The following CPPED1 variants were observed in gnomAD, a reference collection of about 807,000 sequenced individuals.
CPPED1 encodes serine/threonine-protein phosphatase CPPED1.
CPPED1 carries 28 observed loss-of-function variants against 28.0 expected under a neutral mutation model. That is an observed-to-expected ratio of 1.00 (90% CI 0.74 to 1.37). The LOEUF is 1.37. CPPED1 is among the 40% of genes most tolerant of loss of function. The pLI is 0.00. For synonymous variants in CPPED1, 198 were observed against 180.2 expected (o/e 1.10, Z -0.79); for missense variants, 504 against 416.5 (o/e 1.21, Z -1.83).
chr16:12,801,989 A>T (rs2080662961), intron 1 of CPPED1, among the ~76,000 whole-genome samples: 1 of 152,172 alleles, frequency 6.6e-6, no homozygotes, highest in Non-Finnish European at 1.5e-5. Context: ...CAGCCAGGCG[A>T]GGCAACCCCA....
chr16:12,718,536 C>CA (rs2080119745), intron 2 of CPPED1, among the ~76,000 whole-genome samples: 1 of 62,344 alleles, frequency 1.6e-5, no homozygotes, highest in Non-Finnish European at 3.1e-5. Context: ...AAGACTCTGT[C>CA]TTAAAAAAAA....
At chr16:12,746,749 G>A (rs1412611632) in intron 2 of CPPED1, among the ~76,000 whole-genome samples, 3 of 152,158 alleles carry the variant, frequency 2.0e-5, no homozygotes, top group African/African-American at 4.8e-5. Context: ...ATAGCACAAA[G>A]CACAGGAATG....
intron 3 of CPPED1, among the ~76,000 whole-genome samples, chr16:12,692,285 GA>G (rs148451901): frequency 0.012 from 1,860 of 152,288 alleles, 37 homozygotes; most frequent in African/African-American, 0.04. Context: ...CCGGTGTGGT[GA>G]ACAGAACAAA....
intron 3 of CPPED1, among the ~76,000 whole-genome samples, chr16:12,667,460 A>G (rs76229033): frequency 9.2e-5 from 14 of 152,296 alleles, no homozygotes; most frequent in South Asian, 2.1e-4. Flanking sequence ...ACAACCCTCA[A>G]TAAATGAGAT....
rs147233964 is a variant in CPPED1, at chr16:12,683,968, T to C, written c.716-18853A>G. ...AGCTTCCATCCTCAAGATCGCAAGA[T>C]GGCTGCAGGGCTTCCGGGCACTGGG... On this transcript the variant is annotated intron_variant, in intron 3 of 3. Transcript: ENST00000381774. Among the ~76,000 whole-genome samples the C allele has an allele frequency of 2.5e-3, 374 of 152,270 alleles. 3 individuals are homozygous for C. Among genetic ancestry groups the C allele is most frequent in the African/African-American group, 8.6e-3 (356 of 41,556 alleles).
intron 3 of CPPED1, among the ~76,000 whole-genome samples, chr16:12,676,039 C>T (rs774053736): frequency 6.6e-6 from 1 of 152,144 alleles, no homozygotes; most frequent in African/African-American, 2.4e-5. Flanking sequence ...TTAAGCCCCA[C>T]CTGACTCATT....
chr16:12,765,534 A>G (rs2080433405), intron 2 of CPPED1, among the ~76,000 whole-genome samples: 1 of 152,250 alleles, frequency 6.6e-6, no homozygotes, highest in Non-Finnish European at 1.5e-5. Flanking sequence ...AGAAAGGTAT[A>G]TTATCCAAGT....
chr16:12,792,214 A>C lies in CPPED1; in HGVS notation c.71-10811T>G, dbSNP rs986858360. Among the ~76,000 whole-genome samples, 4 of 152,112 alleles carry C rather than the reference A, an allele frequency of 2.6e-5. No homozygotes were observed. In the South Asian group the frequency reaches 8.3e-4, roughly 32 times the overall value. The stretch of plus-strand genomic sequence containing the variant: ...GTGATCCACTTGCCTCAGCCTCCCA[A>C]AGTGCTGGGATTACAGGCCTGAACC... On this transcript the variant is annotated intron_variant, in intron 1 of 3. Coordinates refer to ENST00000381774, the MANE Select transcript of CPPED1 (RefSeq NM_018340.3).
intron 2 of CPPED1, among the ~76,000 whole-genome samples, chr16:12,730,460 G>A (rs1016991437): frequency 6.6e-6 from 1 of 152,176 alleles, no homozygotes; most frequent in African/African-American, 2.4e-5. Context: ...AGAGAAATGA[G>A]GGTGTTGGTC....
chr16:12,789,537 AT>A (rs1236092828), intron 1 of CPPED1, among the ~76,000 whole-genome samples: 7 of 151,928 alleles, frequency 4.6e-5, no homozygotes, highest in African/African-American at 7.3e-5. Context: ...AGTTACCATA[AT>A]TTTTTTTAAT....
At chr16:12,695,316 G>C (rs528714335) in intron 3 of CPPED1, among the ~76,000 whole-genome samples, 1 of 152,214 alleles carries the variant, frequency 6.6e-6, no homozygotes, top group African/African-American at 2.4e-5. Context: ...CCAGGATAGA[G>C]TACAGTGGTG....
At chr16:12,768,596 G>A (rs776326358) in intron 2 of CPPED1, among the ~76,000 whole-genome samples, 12 of 152,210 alleles carry the variant, frequency 7.9e-5, no homozygotes, top group Admixed American at 2.6e-4. Flanking sequence ...GAGTATGTGC[G>A]TATGTACACA....
At chr16:12,689,331 A>T (rs1288318706) in intron 3 of CPPED1, among the ~76,000 whole-genome samples, 1 of 147,900 alleles carries the variant, frequency 6.8e-6, no homozygotes, top group Non-Finnish European at 1.5e-5. Context: ...GGCTCAAGAG[A>T]TCCTCCCACC....
At chr16:12,790,002 G>C (rs2080586887) in intron 1 of CPPED1, among the ~76,000 whole-genome samples, 1 of 152,116 alleles carries the variant, frequency 6.6e-6, no homozygotes, top group African/African-American at 2.4e-5. Context: ...TCAAAACTGA[G>C]GGATAAATAC....
At chr16:12,706,769 C>T (rs747597691) in intron 2 of CPPED1, among the ~76,000 whole-genome samples, 3 of 152,082 alleles carry the variant, frequency 2.0e-5, no homozygotes, top group African/African-American at 7.2e-5. Context: ...CTGGAGCAGG[C>T]ACGACCTGCT....
intron 2 of CPPED1, chr16:12,759,149 G>A (rs1324696866): frequency 9.0e-6 from 1 of 111,486 alleles, no homozygotes; most frequent in African/African-American, 3.5e-5. Context: ...GGCAACAGAC[G>A]AAGACTCTGT....
chr16:12,794,926 G>A (rs2080617882), intron 1 of CPPED1, among the ~76,000 whole-genome samples: 1 of 152,204 alleles, frequency 6.6e-6, no homozygotes, highest in Non-Finnish European at 1.5e-5. Flanking sequence ...CTGGGACTTC[G>A]TGGCCAGGCG....
chr16:12,740,992 T>C (rs1360194452), intron 2 of CPPED1, among the ~76,000 whole-genome samples: 1 of 152,132 alleles, frequency 6.6e-6, no homozygotes, highest in African/African-American at 2.4e-5. Flanking sequence ...CCACAACTAT[T>C]TAACAGGCTT....
intron 2 of CPPED1, among the ~76,000 whole-genome samples, chr16:12,779,194 C>A (rs182710157): frequency 6.6e-6 from 1 of 152,170 alleles, no homozygotes; most frequent in East Asian, 1.9e-4. Context: ...AACCACTGAA[C>A]AGAAAAATTT....
Sources: allele counts gnomAD v4.1 joint callset (sites outside exome capture counted in the v4.1 genomes callset), GRCh38; gene constraint gnomAD v4.1.1; transcripts MANE v1.5; gene names NCBI Gene and HGNC (gene_info 2026-07-23, HGNC 2026-07-21).